Variants in EXOC6B observed in about 807,000 individuals in gnomAD.
The protein encoded by EXOC6B is exocyst complex component 6B.
Under a neutral mutation model 113.5 loss-of-function variants are expected in EXOC6B, and 54 were observed. The ratio of observed to expected loss-of-function variants is 0.48; its 90% CI spans 0.38 to 0.60. The LOEUF is 0.60. Ranked by LOEUF, EXOC6B falls within the 20% of genes least tolerant of loss-of-function variation. The pLI is 0.00. For missense variants in EXOC6B, 797 were observed against 977.5 expected, an observed-to-expected ratio of 0.82 and a Z score of 2.46; for synonymous variants, 357 against 339.0, an observed-to-expected ratio of 1.05 and a Z score of -0.58.
chr2:72,289,382 T>A (rs962282855), intron 20 of EXOC6B, among the ~76,000 whole-genome samples: 1 of 152,194 alleles, frequency 6.6e-6, no homozygotes, highest in Non-Finnish European at 1.5e-5. Context: ...AATAGAATAC[T>A]TTCCCTCTTT....
intron 18 of EXOC6B, among the ~76,000 whole-genome samples, chr2:72,401,661 ATATATG>A (rs1247366441): frequency 7.8e-5 from 6 of 76,502 alleles, no homozygotes; most frequent in African/African-American, 4.4e-4. Flanking sequence ...ATATATATAT[ATATATG>A]TATATATATA....
intron 19 of EXOC6B, among the ~76,000 whole-genome samples, chr2:72,354,807 G>T (rs575912644): frequency 6.6e-6 from 1 of 152,196 alleles, no homozygotes; most frequent in Non-Finnish European, 1.5e-5. Flanking sequence ...GCACAGCACC[G>T]AGCAAGGACA....
chr2:72,219,553 A>G (rs534439106), intron 20 of EXOC6B, among the ~76,000 whole-genome samples: 1 of 152,046 alleles, frequency 6.6e-6, no homozygotes, highest in Non-Finnish European at 1.5e-5. Context: ...CACTCTTTAA[A>G]TATTTAGTTT....
intron 18 of EXOC6B, among the ~76,000 whole-genome samples, chr2:72,446,886 G>C (rs1036820567): frequency 4.6e-5 from 7 of 152,206 alleles, no homozygotes; most frequent in African/African-American, 1.7e-4. Flanking sequence ...CAGATCATGA[G>C]GTCAGGAGAT....
intron 19 of EXOC6B, among the ~76,000 whole-genome samples, chr2:72,361,720 T>G (rs1042844531): frequency 6.6e-6 from 1 of 152,190 alleles, no homozygotes; most frequent in Admixed American, 6.5e-5. Flanking sequence ...TATTAAGGAC[T>G]GCCTAGTTAA....
At chr2:72,320,018 G>A (rs144770548) in intron 20 of EXOC6B, among the ~76,000 whole-genome samples, 7,143 of 151,896 alleles carry the variant, frequency 0.047, 222 homozygotes, top group Non-Finnish European at 0.074. Flanking sequence ...TGTACTTTTA[G>A]TAGAGATAGG....
rs1685788056 is a variant in EXOC6B, at chr2:72,291,487, C to CT, written c.2196+43459dup. Among the ~76,000 whole-genome samples the CT allele has an allele frequency of 2.0e-5, 3 of 152,296 alleles. No homozygotes were observed. In the South Asian group the frequency reaches 6.2e-4, roughly 32 times the overall value. On this transcript the variant is annotated intron_variant, in intron 20 of 21. Transcript: ENST00000272427. ...AGTAGAAAAACAATACATCAGGAAT[C>CT]TCAGCGGCTGAGAAGGGAGAGCTTT...
chr2:72,196,145 G>A (rs1386629588), intron 20 of EXOC6B, among the ~76,000 whole-genome samples: 1 of 152,162 alleles, frequency 6.6e-6, no homozygotes, highest in Non-Finnish European at 1.5e-5. Flanking sequence ...GACACTGGGT[G>A]ATAACCTGCA....
At chr2:72,318,877 C>T (rs1412652575) in intron 20 of EXOC6B, among the ~76,000 whole-genome samples, 1 of 147,668 alleles carries the variant, frequency 6.8e-6, no homozygotes, top group African/African-American at 2.6e-5. Flanking sequence ...TAAAGGTACA[C>T]TCTAATACCT....
In EXOC6B at chr2:72,317,160, T is replaced by G. The variant is rs148182153; in HGVS notation, c.2196+17787A>C. Among the ~76,000 whole-genome samples, 769 of 151,820 alleles carry G rather than the reference T, an allele frequency of 5.1e-3. 10 individuals are homozygous for G. The highest frequency in any genetic ancestry group is 0.016 in the African/African-American group (677 of 41,350). On this transcript the variant is annotated intron_variant, in intron 20 of 21. Coordinates refer to ENST00000272427, the MANE Select transcript of EXOC6B (RefSeq NM_015189.3). ...CTACCATGATAATTGTGGTTTGTTT[T>G]TTTTTTTTAAATAGTAGGTGGCAGA...
At chr2:72,422,226 A>G (rs1470726262) in intron 18 of EXOC6B, among the ~76,000 whole-genome samples, 1 of 152,190 alleles carries the variant, frequency 6.6e-6, no homozygotes, top group Non-Finnish European at 1.5e-5. Flanking sequence ...CCGGCGCGGG[A>G]CTGGCAGACA....
chr2:72,417,848 G>A (rs1051110552), intron 18 of EXOC6B, among the ~76,000 whole-genome samples: 21 of 151,698 alleles, frequency 1.4e-4, no homozygotes, highest in Admixed American at 2.6e-4. Context: ...CTTCACATTC[G>A]CCTGTAGTAT....
chr2:72,218,089 G>T (rs1680646946), intron 20 of EXOC6B, among the ~76,000 whole-genome samples: 1 of 152,164 alleles, frequency 6.6e-6, no homozygotes, highest in Admixed American at 6.5e-5. Flanking sequence ...ATGCTATTAG[G>T]GGAGATGAAG....
At chr2:72,312,676 AC>A (rs1687266293) in intron 20 of EXOC6B, among the ~76,000 whole-genome samples, 2 of 151,750 alleles carry the variant, frequency 1.3e-5, no homozygotes, top group Non-Finnish European at 1.5e-5. Context: ...AATCGCTTGA[AC>A]CCAGGAGGCG....
intron 2 of EXOC6B, among the ~76,000 whole-genome samples, chr2:72,740,247 G>A (rs1049815414): frequency 6.6e-5 from 10 of 151,980 alleles, no homozygotes; most frequent in Non-Finnish European, 1.3e-4. Flanking sequence ...TACACTCACT[G>A]TCAAGTTAAC....
chr2:72,225,761 T>C (rs1242462225), intron 20 of EXOC6B, among the ~76,000 whole-genome samples: 1 of 152,212 alleles, frequency 6.6e-6, no homozygotes, highest in East Asian at 1.9e-4. Context: ...TCCCTATTCA[T>C]TTAACTATAT....
At chr2:72,656,964 G>C (rs940156888) in intron 6 of EXOC6B, among the ~76,000 whole-genome samples, 4 of 151,994 alleles carry the variant, frequency 2.6e-5, no homozygotes, top group Admixed American at 2.6e-4. Context: ...TGATTCTCCT[G>C]CCTCAGCCTC....
chr2:72,729,510 G>C (rs942856934), intron 5 of EXOC6B, among the ~76,000 whole-genome samples: 1 of 149,690 alleles, frequency 6.7e-6, no homozygotes, highest in African/African-American at 2.5e-5. Context: ...TCCCAAATTC[G>C]AGCTATCATG....
At chr2:72,785,150 C>T (rs1427163195) in intron 1 of EXOC6B, among the ~76,000 whole-genome samples, 1 of 152,230 alleles carries the variant, frequency 6.6e-6, no homozygotes, top group Non-Finnish European at 1.5e-5. Context: ...CCAAGTCACA[C>T]TGATGTGAAA....
Sources: allele counts gnomAD v4.1 joint callset (sites outside exome capture counted in the v4.1 genomes callset), GRCh38; gene constraint gnomAD v4.1.1; transcripts MANE v1.5; gene names NCBI Gene and HGNC (gene_info 2026-07-23, HGNC 2026-07-21).